The following PHACTR4 variants were observed in gnomAD, a reference collection of about 807,000 sequenced individuals.
The protein encoded by PHACTR4 is phosphatase and actin regulator 4.
PHACTR4 carries 51 observed loss-of-function variants against 72.7 expected under a neutral mutation model. The ratio of observed to expected loss-of-function variants is 0.70; its 90% CI spans 0.56 to 0.89. PHACTR4 has a LOEUF of 0.89. Ranked by LOEUF, PHACTR4 falls within the 40% of genes least tolerant of loss-of-function variation. The pLI is 0.00. For missense variants in PHACTR4, 731 were observed against 861.8 expected, an observed-to-expected ratio of 0.85 and a Z score of 1.90; for synonymous variants, 255 against 302.5, an observed-to-expected ratio of 0.84 and a Z score of 1.63.
intron 2 of PHACTR4, among the ~76,000 whole-genome samples, chr1:28,443,930 G>T (rs1372242953): frequency 6.6e-6 from 1 of 151,776 alleles, no homozygotes; most frequent in Non-Finnish European, 1.5e-5. Flanking sequence ...CTTTCCTTTG[G>T]ATATATTCCC....
Position 28,476,856 on chromosome 1 carries a change from C to T in PHACTR4, c.1606+565C>T, listed in dbSNP as rs189590634. ...TGCGATCTCGGCTCAGTTTAACCTC[C>T]ACCTCCCAGGTTCAAGCAATTCTCC... On this transcript the variant is annotated intron_variant, in intron 8 of 13. Transcript: ENST00000373839. Among the ~76,000 whole-genome samples, 1,429 of 144,370 alleles carry T rather than the reference C, an allele frequency of 9.9e-3. 27 individuals are homozygous for T. Among genetic ancestry groups the T allele is most frequent in the African/African-American group, 0.036 (1,367 of 38,006 alleles). 94.7% of individuals were successfully genotyped at this position (144,370 alleles called of 152,430 possible).
intron 9 of PHACTR4, among the ~76,000 whole-genome samples, chr1:28,485,083 A>C (rs1056291241): frequency 6.6e-6 from 1 of 152,204 alleles, no homozygotes; most frequent in Non-Finnish European, 1.5e-5. Context: ...AATATGAGTA[A>C]GCCAGTCACA....
chr1:28,409,115 T>C (rs1654579471), intron 2 of PHACTR4, among the ~76,000 whole-genome samples: 1 of 149,864 alleles, frequency 6.7e-6, no homozygotes, highest in Non-Finnish European at 1.5e-5. Flanking sequence ...GAACCCCTTT[T>C]CTTTCTTTCT....
chr1:28,377,998 C>A (rs1263622868), intron 1 of PHACTR4, among the ~76,000 whole-genome samples: 1 of 147,178 alleles, frequency 6.8e-6, no homozygotes, highest in East Asian at 2.1e-4. Context: ...GAGATTGAGA[C>A]CATCCTGGCT....
chr1:28,421,858 A>G (rs1276886596), intron 2 of PHACTR4, among the ~76,000 whole-genome samples: 1 of 152,242 alleles, frequency 6.6e-6, no homozygotes, highest in Non-Finnish European at 1.5e-5. Context: ...TTATAATCTC[A>G]TAATACATCC....
At chr1:28,429,697 A>G (rs1235983887) in intron 2 of PHACTR4, among the ~76,000 whole-genome samples, 1 of 152,326 alleles carries the variant, frequency 6.6e-6, no homozygotes, top group East Asian at 1.9e-4. Context: ...CTGTACATCA[A>G]ATGTGACAAG....
intron 2 of PHACTR4, chr1:28,433,165 G>T (rs1350324306): frequency 1.2e-6 from 1 of 841,314 alleles, no homozygotes; most frequent in Non-Finnish European, 1.4e-6. Context: ...TATCTTATTA[G>T]CTAACAAATA....
At chr1:28,490,178 C>CCATA (rs1347172838) in intron 10 of PHACTR4, among the ~76,000 whole-genome samples, 1 of 152,076 alleles carries the variant, frequency 6.6e-6, no homozygotes, top group Non-Finnish European at 1.5e-5. Context: ...AGATGTGGTG[C>CCATA]CATAGTTTGC....
intron 1 of PHACTR4, among the ~76,000 whole-genome samples, chr1:28,380,050 A>ATTTTTTTTTTTTTTTTTTTTTTT (rs1405487346): frequency 7.8e-6 from 1 of 128,078 alleles, no homozygotes; most frequent in African/African-American, 3.0e-5. Context: ...TTTAAATGTA[A>ATTTTTTTTTTTTTTTTTTTTTTT]CTTTTTTTTT....
At chr1:28,477,724 A>T (rs1660013797) in intron 8 of PHACTR4, among the ~76,000 whole-genome samples, 1 of 151,502 alleles carries the variant, frequency 6.6e-6, no homozygotes, top group Non-Finnish European at 1.5e-5. Flanking sequence ...ACAGTGTCTC[A>T]CTCTGCAGGC....
chr1:28,391,547 A>G (rs868798627), intron 1 of PHACTR4, among the ~76,000 whole-genome samples: 18 of 151,574 alleles, frequency 1.2e-4, no homozygotes, highest in African/African-American at 4.1e-4. Flanking sequence ...GACAGAAGGA[A>G]TAAGCACAAG....
chr1:28,486,559 G>T (rs913113913), intron 9 of PHACTR4, among the ~76,000 whole-genome samples: 1 of 151,120 alleles, frequency 6.6e-6, no homozygotes, highest in Non-Finnish European at 1.5e-5. Context: ...TTGTTTTTCC[G>T]AAGAACATTT....
intron 13 of PHACTR4, among the ~76,000 whole-genome samples, chr1:28,495,750 G>A (rs1430404144): frequency 6.6e-6 from 1 of 151,662 alleles, no homozygotes; most frequent in East Asian, 2.0e-4. Flanking sequence ...CTCAGTAGCT[G>A]TGACTACAGG....
chr1:28,447,218 G>A (rs1482564514), intron 2 of PHACTR4, among the ~76,000 whole-genome samples: 1 of 151,686 alleles, frequency 6.6e-6, no homozygotes, highest in Non-Finnish European at 1.5e-5. Context: ...CGCCGTATTG[G>A]CCAGGCTGGT....
chr1:28,385,503 A>T (rs961864852), intron 1 of PHACTR4, among the ~76,000 whole-genome samples: 6 of 143,886 alleles, frequency 4.2e-5, no homozygotes, highest in Middle Eastern at 3.9e-3. Flanking sequence ...AGATCGTGCC[A>T]CTGCACTCCA....
intron 6 of PHACTR4, among the ~76,000 whole-genome samples, chr1:28,472,251 T>A (rs988165651): frequency 7.2e-5 from 11 of 151,764 alleles, no homozygotes; most frequent in Non-Finnish European, 1.5e-4. Flanking sequence ...AGTCAAATAG[T>A]CAGAGACTTG....
chr1:28,458,307 A>C (rs544295798), intron 2 of PHACTR4, among the ~76,000 whole-genome samples: 1 of 151,812 alleles, frequency 6.6e-6, no homozygotes, highest in African/African-American at 2.4e-5. Flanking sequence ...ATGCCCAGCT[A>C]ATTTTTGTTT....
chr1:28,457,918 G>GTT (rs140674119), intron 2 of PHACTR4: 971 of 757,644 alleles, frequency 1.3e-3, no homozygotes, highest in South Asian at 1.7e-3. Flanking sequence ...CTTCCTGCTG[G>GTT]TTTTTTTTTT....
At chr1:28,434,977 C>G (rs1656537624) in intron 2 of PHACTR4, among the ~76,000 whole-genome samples, 1 of 151,518 alleles carries the variant, frequency 6.6e-6, no homozygotes. Context: ...TGTTTCTGGG[C>G]TGTGTGTGTG....
Sources: gnomAD v4.1 joint callset for allele counts (sites outside exome capture counted in the v4.1 genomes callset) on GRCh38, gnomAD v4.1.1 for gene constraint, MANE v1.5 for transcripts, NCBI Gene and HGNC (gene_info 2026-07-23, HGNC 2026-07-21) for gene names.